The following ZMYND11 variants were observed in gnomAD, a reference collection of about 807,000 sequenced individuals.
The protein encoded by ZMYND11 is zinc finger MYND-type containing 11.
ZMYND11 carries 9 observed loss-of-function variants against 84.9 expected under a neutral mutation model. The observed-to-expected ratio is 0.11, with a 90% CI of 0.06 to 0.18. The LOEUF (loss-of-function observed/expected upper bound fraction) is 0.18, where lower values mean the gene tolerates loss of function less well. Ranked by LOEUF, ZMYND11 falls within the 10% of genes least tolerant of loss-of-function variation. The pLI, the probability that ZMYND11 is intolerant of heterozygous loss-of-function variation, is 1.00. For missense variants in ZMYND11, 409 were observed against 761.0 expected, an observed-to-expected ratio of 0.54 and a Z score of 5.44; for synonymous variants, 250 against 244.1, an observed-to-expected ratio of 1.02 and a Z score of -0.23.
chr10:154,618 A>C (rs1207141378), intron 1 of ZMYND11, among the ~76,000 whole-genome samples: 1 of 152,178 alleles, frequency 6.6e-6, no homozygotes, highest in Non-Finnish European at 1.5e-5. Flanking sequence ...ATTACAAATA[A>C]TTTTAGCAGG....
At chr10:201,772 A>G (rs1377255538) in intron 2 of ZMYND11, among the ~76,000 whole-genome samples, 4 of 152,104 alleles carry the variant, frequency 2.6e-5, no homozygotes, top group Admixed American at 6.6e-5. Flanking sequence ...AGCTGTGGGA[A>G]TGCAGTGGGG....
intron 2 of ZMYND11, among the ~76,000 whole-genome samples, chr10:203,161 C>G (rs2131145630): frequency 6.6e-6 from 1 of 152,110 alleles, no homozygotes; most frequent in Non-Finnish European, 1.5e-5. Context: ...AAATCTAAAA[C>G]AAGATAAGGA....
chr10:202,216 T>C (rs968767981), intron 2 of ZMYND11, among the ~76,000 whole-genome samples: 8 of 152,220 alleles, frequency 5.3e-5, no homozygotes, highest in Admixed American at 4.6e-4. Context: ...TAATACGCAG[T>C]AGGATCACAG....
intron 6 of ZMYND11, among the ~76,000 whole-genome samples, chr10:239,087 A>G (rs1430937781): frequency 2.0e-5 from 3 of 152,210 alleles, no homozygotes; most frequent in Non-Finnish European, 4.4e-5. Context: ...GTGTGTGCTT[A>G]GGGTCTCACC....
At chr10:223,958 C>A (rs540482988) in intron 4 of ZMYND11, among the ~76,000 whole-genome samples, 1 of 149,834 alleles carries the variant, frequency 6.7e-6, no homozygotes, top group South Asian at 2.1e-4. Flanking sequence ...GTTTTTTTTT[C>A]AATGTTTGGA....
At chr10:240,616 G>T (rs1950720306) in intron 8 of ZMYND11, among the ~76,000 whole-genome samples, 1 of 152,216 alleles carries the variant, frequency 6.6e-6, no homozygotes, top group Non-Finnish European at 1.5e-5. Flanking sequence ...TATTCAGTCT[G>T]AAGTGCTAAC....
In ZMYND11 at chr10:135,906, C is replaced by G. The variant is rs1554751905; in HGVS notation, c.-20+347C>G. On this transcript the variant is annotated intron_variant, in intron 1 of 14. Transcript: ENST00000381604. The surrounding 1 kb of genome is among the most constrained non-coding windows in gnomAD (Gnocchi z 5.6). ...GGGAAGCCGCGGAGTCGCGTGAGCA[C>G]CGCCCGCCGGGCCCTGTGCCCCGCT... Among the ~76,000 whole-genome samples the G allele has an allele frequency of 6.6e-6, 1 of 151,396 alleles. No individual in the cohort carries two copies. Among genetic ancestry groups the G allele is most frequent in the Non-Finnish European group, 1.5e-5 (1 of 67,746 alleles).
At chr10:161,995 G>C (rs782233431) in intron 1 of ZMYND11, among the ~76,000 whole-genome samples, 3 of 152,228 alleles carry the variant, frequency 2.0e-5, no homozygotes, top group Non-Finnish European at 2.9e-5. Flanking sequence ...CTTTCCGCCT[G>C]TCTTGGCTTT....
At chr10:164,723 T>A (rs1554763235) in intron 1 of ZMYND11, among the ~76,000 whole-genome samples, 1 of 152,074 alleles carries the variant, frequency 6.6e-6, no homozygotes, top group East Asian at 1.9e-4. Context: ...GAACTAGAAA[T>A]TGGAGAATGA....
At chr10:201,607 T>TA (rs1564371510) in intron 2 of ZMYND11, among the ~76,000 whole-genome samples, 6 of 35,042 alleles carry the variant, frequency 1.7e-4, no homozygotes, top group African/African-American at 4.3e-4. Context: ...CACACACACA[T>TA]TATATATATA....
chr10:250,688 C>T (rs1341930068), intron 14 of ZMYND11, among the ~76,000 whole-genome samples: 1 of 152,078 alleles, frequency 6.6e-6, no homozygotes, highest in African/African-American at 2.4e-5. Context: ...GATTAAAAAC[C>T]TAGTTGGCAG....
intron 1 of ZMYND11, among the ~76,000 whole-genome samples, chr10:158,991 G>GTTTTTTT (rs71374342): frequency 2.7e-4 from 16 of 58,582 alleles, no homozygotes; most frequent in East Asian, 1.1e-3. Flanking sequence ...TTTGTTTTTT[G>GTTTTTTT]TTTTTTTTTT....
chr10:197,676 A>C (rs1214167809), intron 2 of ZMYND11, among the ~76,000 whole-genome samples: 2 of 152,206 alleles, frequency 1.3e-5, no homozygotes, highest in Non-Finnish European at 2.9e-5. Context: ...CCAGAAAGAA[A>C]TCTTTAGGGT....
Position 218,477 on chromosome 10 carries a change from C to T in ZMYND11, c.277-2718C>T, listed in dbSNP as rs147814244. 3.8e-4 allele frequency: 149 copies of T among 393,638 alleles called. No homozygotes were observed. Among genetic ancestry groups the T allele is most frequent in the African/African-American group, 2.9e-3 (134 of 46,304 alleles). The allele number at this position is 393,638 out of a possible 1,614,324, so 24.4% of individuals were successfully genotyped here. A position where few individuals can be genotyped will look rare whatever the true frequency, so the allele number is the denominator to read the frequency against. On this transcript the variant is annotated intron_variant, in intron 3 of 14. Transcript: ENST00000381604. ...AAGGCCTATAGTATGCAGCCTTTCTCCAGGACAGCAGCCCCAAACAAGGTG... is the reference window on the plus strand; with the variant it reads ...AAGGCCTATAGTATGCAGCCTTTCTTCAGGACAGCAGCCCCAAACAAGGTG...
chr10:177,978 A>T (rs1342001404), intron 1 of ZMYND11, among the ~76,000 whole-genome samples: 8 of 152,126 alleles, frequency 5.3e-5, no homozygotes, highest in African/African-American at 1.9e-4. Flanking sequence ...ACATCTATCA[A>T]TTATTTTTAT....
chr10:188,073 T>C (rs1031495997), intron 2 of ZMYND11, among the ~76,000 whole-genome samples: 6 of 152,216 alleles, frequency 3.9e-5, no homozygotes, highest in African/African-American at 1.4e-4. Flanking sequence ...TGCTAAATTA[T>C]AGCTAGCACA....
At chr10:239,707 A>C (rs1950567030) in intron 7 of ZMYND11, among the ~76,000 whole-genome samples, 182 bp downstream of exon 7, 1 of 152,230 alleles carries the variant, frequency 6.6e-6, no homozygotes, top group Admixed American at 6.5e-5. Flanking sequence ...CCAAAAACAA[A>C]ATCATAGTAT....
At chr10:147,639 TTA>T in intron 1 of ZMYND11, among the ~76,000 whole-genome samples, 1 of 150,136 alleles carries the variant, frequency 6.7e-6, no homozygotes, top group South Asian at 2.1e-4. Context: ...AAGAGGATAA[TTA>T]AAATAACCTG....
intron 1 of ZMYND11, among the ~76,000 whole-genome samples, chr10:150,597 A>G (rs535437825): frequency 4.3e-4 from 66 of 152,334 alleles, no homozygotes; most frequent in Non-Finnish European, 6.3e-4. Context: ...GGAGGCTCGA[A>G]CTGGGTGGAG....
Sources: allele counts gnomAD v4.1 joint callset (sites outside exome capture counted in the v4.1 genomes callset), GRCh38; gene constraint gnomAD v4.1.1; non-coding constraint Gnocchi (gnomAD v3.1); transcripts MANE v1.5; gene names NCBI Gene and HGNC (gene_info 2026-07-23, HGNC 2026-07-21).